The following DLG1 variants were observed in gnomAD, a reference collection of about 807,000 sequenced individuals.
DLG1 encodes discs large MAGUK scaffold protein 1.
A neutral mutation model predicts 123.4 loss-of-function variants in DLG1; 42 were observed. The observed-to-expected ratio is 0.34, with a 90% CI of 0.27 to 0.44. The LOEUF is 0.44. DLG1 is among the 20% of genes least tolerant of loss of function. The probability of loss-of-function intolerance (pLI) is 1.00; values close to 1 mark genes in which losing one functional copy is unlikely to be tolerated. For synonymous variants in DLG1, 317 were observed against 356.2 expected (o/e 0.89, Z 1.24); for missense variants, 942 against 1,082.6 (o/e 0.87, Z 1.82).
chr3:197,269,164 A>G (rs1188852284), intron 4 of DLG1, among the ~76,000 whole-genome samples: 1 of 151,904 alleles, frequency 6.6e-6, no homozygotes, highest in Non-Finnish European at 1.5e-5. Context: ...AATTGTTAAT[A>G]TTTATCAAGT....
chr3:197,053,355 A>G (rs1425756751), intron 23 of DLG1, among the ~76,000 whole-genome samples: 1 of 152,134 alleles, frequency 6.6e-6, no homozygotes, highest in Admixed American at 6.6e-5. Context: ...GGCATGTGTT[A>G]ATTTCTCCCT....
chr3:197,250,268 C>T (rs1753715281), intron 4 of DLG1, among the ~76,000 whole-genome samples: 1 of 152,050 alleles, frequency 6.6e-6, no homozygotes, highest in Non-Finnish European at 1.5e-5. Flanking sequence ...AGTGAACAAT[C>T]TGAAAAGAAA....
intron 5 of DLG1, among the ~76,000 whole-genome samples, chr3:197,155,957 T>C (rs949568362): frequency 6.6e-6 from 1 of 152,042 alleles, no homozygotes; most frequent in African/African-American, 2.4e-5. Flanking sequence ...TATAAATAAA[T>C]AAATAAATAA....
At chr3:197,227,512 C>T (rs1011578693) in intron 4 of DLG1, among the ~76,000 whole-genome samples, 4 of 151,936 alleles carry the variant, frequency 2.6e-5, no homozygotes, top group African/African-American at 9.7e-5. Context: ...AAAACAAGAA[C>T]AATTTTACAA....
intron 14 of DLG1, among the ~76,000 whole-genome samples, chr3:197,099,942 T>C (rs1206292044): frequency 1.3e-5 from 2 of 152,174 alleles, no homozygotes; most frequent in Non-Finnish European, 1.5e-5. Flanking sequence ...AACCCGTGCA[T>C]GTTCAAGTCT....
chr3:197,275,718 G>A (rs564471831), intron 4 of DLG1, among the ~76,000 whole-genome samples: 2 of 152,186 alleles, frequency 1.3e-5, no homozygotes, highest in East Asian at 3.8e-4. Context: ...AGAGTAGAAT[G>A]GTAGTTTATC....
At chr3:197,064,169 C>CTCAGCCT (rs1013167526) in intron 22 of DLG1, among the ~76,000 whole-genome samples, 1 of 151,522 alleles carries the variant, frequency 6.6e-6, no homozygotes, top group Non-Finnish European at 1.5e-5. Flanking sequence ...ATCTACCCAC[C>CTCAGCCT]TCAGCCTTCC....
intron 15 of DLG1, 108 bp from the exon 16 acceptor site, chr3:197,085,864 G>C: frequency 1.0e-6 from 1 of 991,772 alleles, no homozygotes; most frequent in Non-Finnish European, 1.5e-6. Context: ...TATCATAGTA[G>C]GCCAAATAAT....
chr3:197,294,626 C>G (rs1228260910), intron 3 of DLG1, among the ~76,000 whole-genome samples: 1 of 146,904 alleles, frequency 6.8e-6, no homozygotes, highest in Non-Finnish European at 1.5e-5. Flanking sequence ...CCACTGCACT[C>G]CAGCCTGGGT....
chr3:197,063,146 C>T (rs1736974163), intron 22 of DLG1, among the ~76,000 whole-genome samples: 1 of 149,580 alleles, frequency 6.7e-6, no homozygotes, highest in African/African-American at 2.5e-5. Context: ...TTAAGTTATT[C>T]ATTTGAAATA....
intron 4 of DLG1, among the ~76,000 whole-genome samples, chr3:197,232,022 T>C (rs1578410781): frequency 6.6e-6 from 1 of 152,238 alleles, no homozygotes. Context: ...ATGGAGAGCA[T>C]AAGAATCAGA....
intron 21 of DLG1, 91 bp downstream of exon 21, chr3:197,065,617 C>A: frequency 9.5e-7 from 1 of 1,055,450 alleles, no homozygotes. Flanking sequence ...TAAGTACAAA[C>A]CATTAAAAAA....
chr3:197,183,820 T>C (rs1200351255), intron 5 of DLG1: 1 of 1,544,730 alleles, frequency 6.5e-7, no homozygotes, highest in Non-Finnish European at 8.8e-7. Context: ...TCTGCAGCCC[T>C]GCAGGTGGTT....
intron 10 of DLG1, 82 bp downstream of exon 10, chr3:197,136,460 G>A (rs1433912629): frequency 1.7e-6 from 2 of 1,145,200 alleles, no homozygotes; most frequent in East Asian, 2.5e-5. Context: ...AGACCTTTTT[G>A]GTATGGAGAA....
chr3:197,134,764 T>C (rs1430166187), intron 10 of DLG1, among the ~76,000 whole-genome samples: 1 of 152,258 alleles, frequency 6.6e-6, no homozygotes, highest in Non-Finnish European at 1.5e-5. Flanking sequence ...TGACCTGTCA[T>C]ACCACTGCAA....
At chr3:197,119,337 A>C in intron 12 of DLG1, 73 bp downstream of exon 12, 10 of 1,332,832 alleles carry the variant, frequency 7.5e-6, no homozygotes, top group Non-Finnish European at 1.0e-5. Flanking sequence ...AATTGTGGCT[A>C]TCTTACATGG....
At chr3:197,282,622 G>C (rs2151155713) in intron 4 of DLG1, 57 bp downstream of exon 4, 1 of 1,133,160 alleles carries the variant, frequency 8.8e-7, no homozygotes, top group African/African-American at 1.6e-5. Context: ...AAGAAACATA[G>C]TAACATAAAT....
At chr3:197,143,384 T>C (rs1789052311) in intron 6 of DLG1, among the ~76,000 whole-genome samples, 2 of 152,074 alleles carry the variant, frequency 1.3e-5, no homozygotes, top group Admixed American at 6.6e-5. Context: ...GCCTCCCGAG[T>C]AGCTGGGACT....
chr3:197,140,384 G>T, intron 7 of DLG1, 120 bp from the exon 8 acceptor site: 1 of 964,094 alleles, frequency 1.0e-6, no homozygotes, highest in Non-Finnish European at 1.5e-6. Context: ...AAGGTATATG[G>T]GTGAGTAATA....
Sources: gnomAD v4.1 joint callset for allele counts (sites outside exome capture counted in the v4.1 genomes callset) on GRCh38, gnomAD v4.1.1 for gene constraint, MANE v1.5 for transcripts, NCBI Gene and HGNC (gene_info 2026-07-23, HGNC 2026-07-21) for gene names.